The following IBA57 variants were observed in gnomAD, a reference collection of about 807,000 sequenced individuals.
The protein encoded by IBA57 is iron-sulfur cluster assembly factor IBA57, mitochondrial.
IBA57 carries 20 observed loss-of-function variants against 20.4 expected under a neutral mutation model. The ratio of observed to expected loss-of-function variants is 0.98; its 90% CI spans 0.69 to 1.42. The LOEUF (loss-of-function observed/expected upper bound fraction) is 1.42, where lower values mean the gene tolerates loss of function less well. Ranked by LOEUF, IBA57 falls within the 40% of genes most tolerant of loss-of-function variation. The pLI, the probability that IBA57 is intolerant of heterozygous loss-of-function variation, is 0.00. For missense variants in IBA57, 608 were observed against 499.3 expected (o/e 1.22, Z -2.07); for synonymous variants, 310 against 233.9 (o/e 1.33, Z -2.97).
In IBA57 at chr1:228,165,905, G is replaced by C; in HGVS notation, c.89G>C (p.Arg30Pro). The change falls in exon 1 of 3, where the codon CGC becomes CCC. Residue 30 changes from arginine to proline, a missense_variant. Transcript: ENST00000366711. Reference protein sequence around the residue: ...RWRLRAAPRCRLAHSSCSPGG... With the variant: ...RWRLRAAPRCPLAHSSCSPGG... The stretch of plus-strand genomic sequence containing the variant: ...CGGCTGCGCGCGGCCCCAAGGTGCC[G>C]CCTGGCCCACAGCTCCTGCAGTCCT... The C allele has an allele frequency of 6.9e-7, 1 of 1,442,432 alleles. No homozygotes were observed. The highest frequency in any genetic ancestry group is 9.1e-7 in the Non-Finnish European group (1 of 1,100,984). The allele number at this position is 1,442,432 out of a possible 1,614,324, so 89.4% of individuals were successfully genotyped here.
intron 1 of IBA57, 101 bp downstream of exon 1, chr1:228,166,258 G>A: frequency 1.2e-6 from 1 of 803,166 alleles, no homozygotes; most frequent in Admixed American, 4.0e-5. Context: ...TGCAGAGGGC[G>A]TGGGGGGTGG....
In IBA57 at chr1:228,165,981, G is replaced by A; in HGVS notation, c.165G>A (p.Gly55=). 1 of 1,521,792 alleles carries A rather than the reference G, an allele frequency of 6.6e-7. No homozygotes were observed. The highest frequency in any genetic ancestry group is 2.0e-5 in the Admixed American group (1 of 49,954). 94.3% of individuals were successfully genotyped at this position (1,521,792 alleles called of 1,614,324 possible). The stretch of plus-strand genomic sequence containing the variant: ...CCTGGGCCTGCTTCCGGCTGGACGG[G>A]CGCACCCTGCTGCGCGTGCGTGGCC... ...GAAWACFRLD[G]RTLLRVRGPD... The change falls in exon 1 of 3, where the codon GGG becomes GGA. Residue 55 remains glycine, a synonymous_variant. Coordinates refer to ENST00000366711, the MANE Select transcript of IBA57 (RefSeq NM_001010867.4).
rs1480672712 is a variant in IBA57 at position 228,166,086 on chromosome 1, T to G, written c.270T>G (p.Pro90=). ...LPSPAAAGAP[P]AARAGYAHFL... ...GTCCTGCGGCCGCGGGGGCCCCGCC[T>G]GCTGCGCGCGCGGGCTACGCCCACT... The change falls in exon 1 of 3, where the codon CCT becomes CCG. Residue 90 remains proline, a synonymous_variant. Coordinates refer to ENST00000366711, the MANE Select transcript of IBA57 (RefSeq NM_001010867.4). 7 of 1,538,326 alleles carry G rather than the reference T, an allele frequency of 4.6e-6. No homozygotes were observed. Among genetic ancestry groups the G allele is most frequent in the African/African-American group, 2.8e-5 (2 of 71,548 alleles).
At chr1:228,167,674 G>A (rs76577920) in intron 1 of IBA57, among the ~76,000 whole-genome samples, 1,726 of 152,322 alleles carry the variant, frequency 0.011, 26 homozygotes, top group East Asian at 0.04. Context: ...GCTTTTGTCT[G>A]GAGTGGTAGA....
chr1:228,175,260 G>C lies in IBA57; in HGVS notation c.818G>C (p.Gly273Ala), dbSNP rs771026930. Residue 273 changes from glycine (G) to alanine (A), a missense_variant, in exon 3 of 3, where the codon GGC (glycine) becomes GCC (alanine). Transcript: ENST00000366711. ...QELTARTHHM[G>A]VIRKRLFPVR... Reference sequence around the variant, plus strand: ...CTGACGGCCCGCACCCACCACATGGGCGTCATCCGCAAGCGCCTCTTCCCT... The same window carrying C: ...CTGACGGCCCGCACCCACCACATGGCCGTCATCCGCAAGCGCCTCTTCCCT... 1.2e-6 allele frequency: 2 copies of C among 1,612,832 alleles called. No individual in the cohort carries two copies. The highest frequency in any genetic ancestry group is 1.7e-6 in the Non-Finnish European group (2 of 1,179,986).
At position 228,178,834 on chromosome 1, in the gene IBA57, G is replaced by T. The variant is rs952994853; in HGVS notation, c.*3321G>T. On this transcript the variant is annotated 3_prime_UTR_variant, in exon 3 of 3. Transcript: ENST00000366711. ...GCCCGAGAGGAGAGGCAGGAGCCTGGGAGAGCCTCTGCTAGACCTTTCCTG... is the reference window on the plus strand; with the variant it reads ...GCCCGAGAGGAGAGGCAGGAGCCTGTGAGAGCCTCTGCTAGACCTTTCCTG... The T allele has an allele frequency of 2.0e-5, 3 of 152,218 alleles. No individual in the cohort carries two copies. The highest frequency in any genetic ancestry group is 4.4e-5 in the Non-Finnish European group (3 of 68,058). 9.4% of individuals were successfully genotyped at this position (152,218 alleles called of 1,614,324 possible).
In IBA57 at chr1:228,165,907, C is replaced by G; in HGVS notation, c.91C>G (p.Leu31Val). 1.4e-6 allele frequency: 2 copies of G among 1,445,486 alleles called. No individual in the cohort carries two copies. Among genetic ancestry groups the G allele is most frequent in the Non-Finnish European group, 1.8e-6 (2 of 1,102,552 alleles). 89.5% of individuals were successfully genotyped at this position (1,445,486 alleles called of 1,614,324 possible). A position where few individuals can be genotyped will look rare whatever the true frequency, so the allele number is the denominator to read the frequency against. ...WRLRAAPRCR[L>V]AHSSCSPGGD... ...GCTGCGCGCGGCCCCAAGGTGCCGC[C>G]TGGCCCACAGCTCCTGCAGTCCTGG... The change falls in exon 1 of 3, where the codon CTG (leucine) becomes GTG (valine). Residue 31 changes from leucine to valine, a missense_variant. Leu to Val is a conservative substitution (Grantham distance 32). Transcript: ENST00000366711.
rs1355010410 is a variant in IBA57 at position 228,175,304 on chromosome 1, C to G, written c.862C>G (p.Leu288Val). Residue 288 changes from leucine (L) to valine (V), a missense_variant, in exon 3 of 3, where the codon CTT (leucine) becomes GTT (valine). Coordinates refer to ENST00000366711, the MANE Select transcript of IBA57 (RefSeq NM_001010867.4). ...CTTCCCTGTCCGGTTCTTGGACCCC[C>G]TTCCCACCAGTGGCATCACCCCTGG... Reference protein sequence around the residue: ...RLFPVRFLDPLPTSGITPGAT... With the variant: ...RLFPVRFLDPVPTSGITPGAT... 1.2e-6 allele frequency: 2 copies of G among 1,612,958 alleles called. No individual in the cohort carries two copies. The highest frequency in any genetic ancestry group is 1.7e-6 in the Non-Finnish European group (2 of 1,180,000).
rs1396729994 is a variant in IBA57 at position 228,165,846 on chromosome 1, C to T, written c.30C>T (p.Ala10=). The part of the protein sequence containing the change: MATAALLRG[A]TPGRGGPVWR... ...CGACCGCGGCGCTGCTTCGAGGCGCCACTCCGGGGCGCGGCGGCCCGGTCT... is the reference window on the plus strand; with the variant it reads ...CGACCGCGGCGCTGCTTCGAGGCGCTACTCCGGGGCGCGGCGGCCCGGTCT... Residue 10 remains alanine (A), a synonymous_variant, in exon 1 of 3, where the codon GCC becomes GCT. Coordinates refer to ENST00000366711, the MANE Select transcript of IBA57 (RefSeq NM_001010867.4). The T allele has an allele frequency of 3.8e-6, 5 of 1,306,602 alleles. No homozygotes were observed. Among genetic ancestry groups the T allele is most frequent in the Admixed American group, 4.1e-5 (1 of 24,146 alleles). 80.9% of individuals were successfully genotyped at this position (1,306,602 alleles called of 1,614,324 possible). A position where few individuals can be genotyped will look rare whatever the true frequency, so the allele number is the denominator to read the frequency against.
Position 228,165,827 on chromosome 1 carries a change from C to A in IBA57, c.11C>A (p.Ala4Glu). 2 of 1,301,412 alleles carry A rather than the reference C, an allele frequency of 1.5e-6. No individual in the cohort carries two copies. The highest frequency in any genetic ancestry group is 3.1e-5 in the East Asian group (1 of 32,142). The allele number at this position is 1,301,412 out of a possible 1,614,324, so 80.6% of individuals were successfully genotyped here. A position where few individuals can be genotyped will look rare whatever the true frequency, so the allele number is the denominator to read the frequency against. Residue 4 changes from alanine (A) to glutamate (E), a missense_variant, in exon 1 of 3, where the codon GCG (alanine) becomes GAG (glutamate). By Grantham distance (107) the Ala-to-Glu change is moderately radical. Coordinates refer to ENST00000366711, the MANE Select transcript of IBA57 (RefSeq NM_001010867.4). ...CCACTCTTGTCCAAGATGGCGACCG[C>A]GGCGCTGCTTCGAGGCGCCACTCCG... is the stretch of plus-strand genomic sequence containing the variant. Reference protein sequence around the residue: MATAALLRGATPGR... With the variant: MATEALLRGATPGR...
chr1:228,166,805 T>C (rs1423634796), intron 1 of IBA57, among the ~76,000 whole-genome samples: 2 of 152,226 alleles, frequency 1.3e-5, no homozygotes, highest in Non-Finnish European at 2.9e-5. Flanking sequence ...CCTGGATCCC[T>C]GAAACCTCCG....
At position 228,174,977 on chromosome 1, in the gene IBA57, C is replaced by T; in HGVS notation, c.627C>T (p.Pro209=). The T allele has an allele frequency of 1.3e-6, 2 of 1,554,118 alleles. No individual in the cohort carries two copies. Among genetic ancestry groups the T allele is most frequent in the South Asian group, 1.2e-5 (1 of 83,168 alleles). The stretch of plus-strand genomic sequence containing the variant: ...AGGATGAAGGCCCAGCCCTGGTGCC[C>T]GGGGGCCGGCTCGGGGACTTGTGGG... The part of the protein sequence containing the change: ...LTQDEGPALV[P]GGRLGDLWDY... The change falls in exon 2 of 3, where the codon CCC becomes CCT. Residue 209 remains proline (P), a synonymous_variant. Coordinates refer to ENST00000366711, the MANE Select transcript of IBA57 (RefSeq NM_001010867.4).
chr1:228,178,095 A>G lies in IBA57; in HGVS notation c.*2582A>G, dbSNP rs2124979290. On this transcript the variant is annotated 3_prime_UTR_variant, in exon 3 of 3. Coordinates refer to ENST00000366711, the MANE Select transcript of IBA57 (RefSeq NM_001010867.4). Reference sequence around the variant, plus strand: ...CATGGTGGTGCAGTCTGGGCTTCTTACCCTCACACCTCCTGCCTCCCCTCG... The same window carrying G: ...CATGGTGGTGCAGTCTGGGCTTCTTGCCCTCACACCTCCTGCCTCCCCTCG... 6.6e-6 allele frequency: 1 copy of G among 151,870 alleles called. No homozygotes were observed. Among genetic ancestry groups the G allele is most frequent in the African/African-American group, 2.4e-5 (1 of 41,368 alleles). 9.4% of individuals were successfully genotyped at this position (151,870 alleles called of 1,614,324 possible).
Position 228,175,306 on chromosome 1 carries a change from T to A in IBA57, c.864T>A (p.Leu288=). ...RLFPVRFLDP[L]PTSGITPGAT... ...TCCCTGTCCGGTTCTTGGACCCCCT[T>A]CCCACCAGTGGCATCACCCCTGGTG... The change falls in exon 3 of 3, where the codon CTT becomes CTA. Residue 288 remains leucine (L), a synonymous_variant. Coordinates refer to ENST00000366711, the MANE Select transcript of IBA57 (RefSeq NM_001010867.4). The A allele has an allele frequency of 6.2e-7, 1 of 1,612,570 alleles. No homozygotes were observed. Among genetic ancestry groups the A allele is most frequent in the South Asian group, 1.1e-5 (1 of 91,064 alleles).
chr1:228,176,237 G>T lies in IBA57; in HGVS notation c.*724G>T. The T allele has an allele frequency of 6.6e-6, 1 of 152,514 alleles. No individual in the cohort carries two copies. The allele number at this position is 152,514 out of a possible 1,614,324, so 9.4% of individuals were successfully genotyped here. A position where few individuals can be genotyped will look rare whatever the true frequency, so the allele number is the denominator to read the frequency against. ...GGCAGAGTTCTGCCTGTGTGTGCTG[G>T]GTTTTGGCATAGCCTGTGTTTGCAG... is the stretch of plus-strand genomic sequence containing the variant. On this transcript the variant is annotated 3_prime_UTR_variant, in exon 3 of 3. Coordinates refer to ENST00000366711, the MANE Select transcript of IBA57 (RefSeq NM_001010867.4).
At chr1:228,168,529 C>G (rs78030313) in intron 1 of IBA57, among the ~76,000 whole-genome samples, 1,646 of 152,226 alleles carry the variant, frequency 0.011, 24 homozygotes, top group African/African-American at 0.038. Context: ...TGGTCTGGAG[C>G]TTGTCTGCAG....
At chr1:228,167,447 C>T (rs1036406423) in intron 1 of IBA57, among the ~76,000 whole-genome samples, 1 of 151,618 alleles carries the variant, frequency 6.6e-6, no homozygotes, top group Admixed American at 6.6e-5. Flanking sequence ...ACCTCTGCCT[C>T]CAGGGTTCAA....
Position 228,178,669 on chromosome 1 carries a change from AC to A in IBA57, c.*3158del, listed in dbSNP as rs987666787. The A allele has an allele frequency of 6.6e-6, 1 of 152,196 alleles. No homozygotes were observed. Among genetic ancestry groups the A allele is most frequent in the Non-Finnish European group, 1.5e-5 (1 of 68,044 alleles). The allele number at this position is 152,196 out of a possible 1,614,324, so 9.4% of individuals were successfully genotyped here. A position where few individuals can be genotyped will look rare whatever the true frequency, so the allele number is the denominator to read the frequency against. ...ACAGTGTAGAAACTGTGAGAAACCC[AC>A]CTCCAAATCAGGCCTTAGATAGAAA... On this transcript the variant is annotated 3_prime_UTR_variant, in exon 3 of 3. Transcript: ENST00000366711.
chr1:228,174,225 C>A (rs1443742412), intron 1 of IBA57, among the ~76,000 whole-genome samples: 2 of 1,226 alleles, frequency 1.6e-3, no homozygotes, highest in African/African-American at 8.8e-3. Flanking sequence ...GCGTGGCTCG[C>A]TGTGGGCGTG....
Sources: allele counts gnomAD v4.1 joint callset (sites outside exome capture counted in the v4.1 genomes callset), GRCh38; gene constraint gnomAD v4.1.1; transcripts MANE v1.5; gene names NCBI Gene and HGNC (gene_info 2026-07-23, HGNC 2026-07-21).